The following ATP8A1 variants were observed in gnomAD, a reference collection of about 807,000 sequenced individuals.
The protein encoded by ATP8A1 is ATPase phospholipid transporting 8A1.
In ATP8A1, 90 loss-of-function variants were observed where a neutral mutation model predicts 177.7. The ratio of observed to expected loss-of-function variants is 0.51; its 90% CI spans 0.43 to 0.60. The LOEUF (loss-of-function observed/expected upper bound fraction) is 0.60. Ranked by LOEUF, ATP8A1 falls within the 20% of genes least tolerant of loss-of-function variation. The pLI, the probability that ATP8A1 is intolerant of heterozygous loss-of-function variation, is 0.00. For missense variants in ATP8A1, 1,072 were observed against 1,392.8 expected (o/e 0.77, Z 3.67); for synonymous variants, 493 against 485.9 (o/e 1.01, Z -0.19).
At chr4:42,541,780 C>T (rs1365740608) in intron 20 of ATP8A1, among the ~76,000 whole-genome samples, 1 of 152,090 alleles carries the variant, frequency 6.6e-6, no homozygotes, top group Non-Finnish European at 1.5e-5. Context: ...AGGCTATATA[C>T]CATATCATTC....
At chr4:42,580,559 G>A (rs1055293550) in intron 10 of ATP8A1, among the ~76,000 whole-genome samples, 2 of 152,208 alleles carry the variant, frequency 1.3e-5, no homozygotes, top group Non-Finnish European at 2.9e-5. Context: ...ATGTAGACCT[G>A]TGCTAACCAA....
intron 19 of ATP8A1, among the ~76,000 whole-genome samples, chr4:42,546,018 C>G (rs1003246278): frequency 6.6e-6 from 1 of 152,090 alleles, no homozygotes; most frequent in African/African-American, 2.4e-5. Flanking sequence ...GCCATTAAAA[C>G]CTGCATATCT....
intron 16 of ATP8A1, among the ~76,000 whole-genome samples, chr4:42,553,597 A>G (rs1382467625): frequency 6.6e-6 from 1 of 152,076 alleles, no homozygotes; most frequent in Non-Finnish European, 1.5e-5. Flanking sequence ...TAATAAAGGA[A>G]AAACATTTCT....
chr4:42,625,066 C>T (rs1737912466), intron 3 of ATP8A1: 1 of 145,902 alleles, frequency 6.9e-6, no homozygotes, highest in African/African-American at 2.5e-5. Flanking sequence ...AAAAAAAAGA[C>T]CAGAAGGATA....
At chr4:42,590,091 GATGACATCTAAA>G (rs1202758463) in intron 7 of ATP8A1, among the ~76,000 whole-genome samples, 1 of 152,162 alleles carries the variant, frequency 6.6e-6, no homozygotes, top group Non-Finnish European at 1.5e-5. Flanking sequence ...AGCAAATTAT[GATGACATCTAAA>G]ACACAAACTA....
chr4:42,563,213 C>T (rs1731018554), intron 15 of ATP8A1, among the ~76,000 whole-genome samples: 1 of 152,148 alleles, frequency 6.6e-6, no homozygotes, highest in Non-Finnish European at 1.5e-5. Context: ...AGACAAGGAA[C>T]TTGTTGGGAA....
intron 20 of ATP8A1, among the ~76,000 whole-genome samples, chr4:42,530,393 T>G (rs1359861014): frequency 6.6e-6 from 1 of 152,216 alleles, no homozygotes; most frequent in Non-Finnish European, 1.5e-5. Flanking sequence ...AGACACTTAC[T>G]CTGGATATGG....
chr4:42,652,357 G>C (rs1741180654), intron 1 of ATP8A1, among the ~76,000 whole-genome samples: 1 of 152,042 alleles, frequency 6.6e-6, no homozygotes, highest in Non-Finnish European at 1.5e-5. Flanking sequence ...ATCTTCACAA[G>C]CCAGCCCAAT....
intron 1 of ATP8A1, among the ~76,000 whole-genome samples, chr4:42,639,517 G>A (rs1531350): frequency 0.075 from 11,369 of 152,150 alleles, 1,262 homozygotes; most frequent in African/African-American, 0.25. Context: ...AGGTTAGAAT[G>A]AACATTAGTT....
At chr4:42,552,767 C>T (rs968783726) in intron 16 of ATP8A1, among the ~76,000 whole-genome samples, 157 bp from the exon 17 acceptor site, 4 of 152,264 alleles carry the variant, frequency 2.6e-5, no homozygotes, top group South Asian at 2.1e-4. Flanking sequence ...GCGGGTGGAT[C>T]GCCTAAGGTC....
At chr4:42,455,208 C>T (rs1718348651) in intron 29 of ATP8A1, 89 bp downstream of exon 29, 4 of 1,518,610 alleles carry the variant, frequency 2.6e-6, no homozygotes, top group East Asian at 2.3e-5. Flanking sequence ...CTAGTGTATC[C>T]TTGGCCTTTG....
chr4:42,608,029 T>C (rs11944810), intron 5 of ATP8A1, among the ~76,000 whole-genome samples: 34,228 of 152,176 alleles, frequency 0.22, 4,340 homozygotes, highest in Non-Finnish European at 0.29. Flanking sequence ...CTGACAGTCC[T>C]GCCATGGGAG....
At chr4:42,414,499 A>G in intron 36 of ATP8A1, 128 bp downstream of exon 36, 1 of 754,852 alleles carries the variant, frequency 1.3e-6, no homozygotes, top group Non-Finnish European at 2.2e-6. Context: ...TTTACAGGTT[A>G]CAAATATGCA....
At chr4:42,494,216 T>C (rs1191660531) in intron 24 of ATP8A1, among the ~76,000 whole-genome samples, 1 of 145,354 alleles carries the variant, frequency 6.9e-6, no homozygotes, top group Non-Finnish European at 1.5e-5. Flanking sequence ...CTCATGTCTG[T>C]AATCCCAGCA....
rs1730340452 is a variant in ATP8A1, at chr4:42,557,314, C to T, written c.1341-1274G>A. Among the ~76,000 whole-genome samples, 9 of 152,202 alleles carry T rather than the reference C, an allele frequency of 5.9e-5. No individual in the cohort carries two copies. The South Asian group carries it at 1.9e-3, about 32-fold the overall frequency. On this transcript the variant is annotated intron_variant, in intron 15 of 36. Transcript: ENST00000381668. The stretch of plus-strand genomic sequence containing the variant: ...GGAAAAAAATCTAAGAAAAAGATAG[C>T]ATATATTTATCCTCCAAATATCACC...
At chr4:42,414,557 A>G in intron 36 of ATP8A1, 70 bp downstream of exon 36, 1 of 1,316,974 alleles carries the variant, frequency 7.6e-7, no homozygotes, top group Admixed American at 1.7e-5. Context: ...TAAAGTCAGG[A>G]TACTGTATAA....
chr4:42,583,210 G>A (rs1437222995), intron 9 of ATP8A1, among the ~76,000 whole-genome samples: 2 of 152,130 alleles, frequency 1.3e-5, no homozygotes, highest in Admixed American at 1.3e-4. Flanking sequence ...ATCCCGATGC[G>A]TAGGTAACAA....
chr4:42,446,582 C>G lies in ATP8A1; in HGVS notation c.2958+1G>C, dbSNP rs1717277456. Reference sequence around the variant, plus strand: ...AAACGAGACCGACATCCCGCACTCACAGTGTACACAAAGTTTCCCAGTAGC... The same window carrying G: ...AAACGAGACCGACATCCCGCACTCAGAGTGTACACAAAGTTTCCCAGTAGC... On this transcript the variant is annotated splice_donor_variant, in intron 31 of 36. Coordinates refer to ENST00000381668, the MANE Select transcript of ATP8A1 (RefSeq NM_006095.2). LOFTEE classifies it high-confidence loss of function. 6.2e-7 allele frequency: 1 copy of G among 1,613,508 alleles called. No individual in the cohort carries two copies. Among genetic ancestry groups the G allele is most frequent in the Non-Finnish European group, 8.5e-7 (1 of 1,179,608 alleles).
intron 20 of ATP8A1, among the ~76,000 whole-genome samples, chr4:42,528,231 C>T (rs369888885): frequency 4.6e-5 from 7 of 152,130 alleles, no homozygotes; most frequent in South Asian, 4.1e-4. Context: ...CTGGCAGGAT[C>T]CCCACATTGG....
Sources: gnomAD v4.1 joint callset for allele counts (sites outside exome capture counted in the v4.1 genomes callset) on GRCh38, gnomAD v4.1.1 for gene constraint, MANE v1.5 for transcripts, NCBI Gene and HGNC (gene_info 2026-07-23, HGNC 2026-07-21) for gene names.